KLRG1: variants seen among roughly 807,000 people sequenced by gnomAD.
KLRG1 encodes the protein killer cell lectin-like receptor subfamily G member 1.
Under a neutral mutation model 21.8 loss-of-function variants are expected in KLRG1, and 16 were observed. That is an observed-to-expected ratio of 0.73 (90% CI 0.50 to 1.11). KLRG1 has a LOEUF of 1.11. Among genes scored for constraint, KLRG1 ranks in the 50% most tolerant of loss-of-function variants. The pLI is 0.00. For missense variants in KLRG1, 173 were observed against 218.3 expected (o/e 0.79, Z 1.31); for synonymous variants, 69 against 75.9 (o/e 0.91, Z 0.47).
chr12:9,093,717 G>C, the KLRG1 span: 1 of 505,796 alleles, frequency 2.0e-6, no homozygotes, highest in Non-Finnish European at 3.4e-6. Context: ...GAGGGCGCTT[G>C]GGTCATCAAG....
the KLRG1 span, among the ~76,000 whole-genome samples, chr12:9,031,818 T>G: frequency 6.6e-6 from 1 of 152,336 alleles, no homozygotes; most frequent in South Asian, 2.1e-4. Flanking sequence ...TTAAATCTTT[T>G]CTGGCTGACA....
the KLRG1 span, chr12:9,152,877 T>C: frequency 0.62 from 1,007,621 of 1,613,506 alleles, 317,553 homozygotes; most frequent in East Asian, 0.9. Context: ...CATCGCAAGT[T>C]TGGGGCACAG....
At chr12:8,992,349 A>G (rs1177269882) in intron 2 of KLRG1, 39 bp downstream of exon 2, 1 of 1,404,888 alleles carries the variant, frequency 7.1e-7, no homozygotes, top group Non-Finnish European at 9.9e-7. Flanking sequence ...CTTTCATTTT[A>G]TATTATAAAA....
chr12:9,017,264 C>CAAA, the KLRG1 span, among the ~76,000 whole-genome samples: 12 of 53,128 alleles, frequency 2.3e-4, no homozygotes, highest in Admixed American at 2.8e-4. Context: ...AACTCCATCT[C>CAAA]AAAAAAAAAA....
the KLRG1 span, chr12:9,065,336 C>G: frequency 6.6e-6 from 1 of 152,420 alleles, no homozygotes; most frequent in Non-Finnish European, 1.5e-5. Flanking sequence ...TTTCTGTGCT[C>G]TCAGAGGCCC....
chr12:9,099,014 C>A, the KLRG1 span, among the ~76,000 whole-genome samples: 1 of 152,142 alleles, frequency 6.6e-6, no homozygotes, highest in Non-Finnish European at 1.5e-5. Flanking sequence ...ATCTTTGATA[C>A]ACGGCAAGGT....
At chr12:8,995,392 G>A (rs1405538563) in intron 3 of KLRG1, 104 bp downstream of exon 3, 2 of 992,336 alleles carry the variant, frequency 2.0e-6, no homozygotes, top group Non-Finnish European at 2.9e-6. Flanking sequence ...AGGAACAGAA[G>A]GAATCTGTGA....
chr12:9,058,540 C>A, the KLRG1 span: 3 of 152,090 alleles, frequency 2.0e-5, no homozygotes, highest in Non-Finnish European at 4.4e-5. Flanking sequence ...TTAATATAAA[C>A]ATATAAATAT....
chr12:9,134,547 A>G, the KLRG1 span, among the ~76,000 whole-genome samples: 5 of 152,136 alleles, frequency 3.3e-5, no homozygotes, highest in African/African-American at 1.2e-4. Flanking sequence ...CTGAAATTTT[A>G]TGTCCATTGA....
At chr12:9,125,544 A>G in the KLRG1 span, among the ~76,000 whole-genome samples, 1 of 152,172 alleles carries the variant, frequency 6.6e-6, no homozygotes, top group Non-Finnish European at 1.5e-5. Context: ...TGATCACATT[A>G]TTTTCAATTG....
the KLRG1 span, among the ~76,000 whole-genome samples, chr12:9,141,202 A>C: frequency 0.024 from 3,723 of 152,286 alleles, 67 homozygotes; most frequent in Non-Finnish European, 0.041. Context: ...GAAATATAGG[A>C]GTCTCTTATA....
At chr12:9,145,825 G>T in the KLRG1 span, among the ~76,000 whole-genome samples, 10 of 152,046 alleles carry the variant, frequency 6.6e-5, no homozygotes, top group African/African-American at 2.4e-4. Context: ...AGTATTCTTG[G>T]TTAGCAGGTT....
chr12:9,109,208 G>T, the KLRG1 span: 1 of 723,170 alleles, frequency 1.4e-6, no homozygotes, highest in Non-Finnish European at 2.4e-6. Context: ...TGCTGTCAAA[G>T]CACTTAAAAT....
the KLRG1 span, among the ~76,000 whole-genome samples, chr12:9,203,133 A>G: frequency 6.6e-6 from 1 of 152,186 alleles, no homozygotes; most frequent in Non-Finnish European, 1.5e-5. Flanking sequence ...TTTCTAGGAA[A>G]TGTCCAGCCC....
At chr12:8,993,703 T>C (rs756839958) in intron 2 of KLRG1, among the ~76,000 whole-genome samples, 4 of 152,342 alleles carry the variant, frequency 2.6e-5, no homozygotes, top group Non-Finnish European at 4.4e-5. Flanking sequence ...GGCTGAGTAA[T>C]GTCACAGTTG....
the KLRG1 span, chr12:9,068,178 C>T: frequency 6.2e-7 from 1 of 1,612,526 alleles, no homozygotes; most frequent in East Asian, 2.2e-5. Flanking sequence ...GTGTGAGTGG[C>T]TTACCTTTGC....
the KLRG1 span, among the ~76,000 whole-genome samples, chr12:9,144,560 C>T: frequency 6.6e-6 from 1 of 152,132 alleles, no homozygotes; most frequent in Non-Finnish European, 1.5e-5. Flanking sequence ...ATTAGTGGCT[C>T]AACAGTCAAA....
the KLRG1 span, among the ~76,000 whole-genome samples, chr12:9,069,429 C>T: frequency 6.6e-6 from 1 of 152,074 alleles, no homozygotes; most frequent in African/African-American, 2.4e-5. Context: ...TAATAATTGA[C>T]TAATCACAAG....
intron 1 of KLRG1, among the ~76,000 whole-genome samples, chr12:8,979,988 C>T (rs1946728603): frequency 6.6e-6 from 1 of 152,144 alleles, no homozygotes; most frequent in South Asian, 2.1e-4. Flanking sequence ...GCAACCTCTG[C>T]CTCCCAGGTT....
Sources: allele counts gnomAD v4.1 joint callset (sites outside exome capture counted in the v4.1 genomes callset), GRCh38; gene constraint gnomAD v4.1.1; transcripts MANE v1.5; gene names NCBI Gene and HGNC (gene_info 2026-07-23, HGNC 2026-07-21).